GXYLT2: variants seen among roughly 807,000 people sequenced by gnomAD.
GXYLT2 encodes glucoside xylosyltransferase 2, also known as glycosyltransferase 8 domain containing 4.
GXYLT2 carries 53 observed loss-of-function variants against 45.8 expected under a neutral mutation model. The observed-to-expected ratio is 1.16, with a 90% CI of 0.93 to 1.46. The LOEUF is 1.46. GXYLT2 is among the 40% of genes most tolerant of loss of function. The pLI is 0.00. For synonymous variants in GXYLT2, 219 were observed against 214.2 expected (o/e 1.02, Z -0.19); for missense variants, 551 against 544.4 (o/e 1.01, Z -0.12).
At chr3:72,925,835 T>C (rs1709908299) in intron 3 of GXYLT2, among the ~76,000 whole-genome samples, 1 of 152,162 alleles carries the variant, frequency 6.6e-6, no homozygotes, top group South Asian at 2.1e-4. Flanking sequence ...GAATGACAAA[T>C]GGGTGCTGGC....
intron 1 of GXYLT2, among the ~76,000 whole-genome samples, chr3:72,899,132 G>T (rs898329708): frequency 1.3e-5 from 2 of 152,244 alleles, no homozygotes; most frequent in Non-Finnish European, 2.9e-5. Context: ...TTGAATCCTT[G>T]CTGTGACACT....
chr3:72,896,900 A>G (rs938507693), intron 1 of GXYLT2, among the ~76,000 whole-genome samples: 4 of 152,118 alleles, frequency 2.6e-5, no homozygotes, highest in African/African-American at 9.7e-5. Flanking sequence ...GTTTTGTAGT[A>G]AGGTAGAATG....
In GXYLT2 at chr3:72,922,226, A is replaced by G. The variant is rs930567413; in HGVS notation, c.491A>G (p.Tyr164Cys). 2 of 1,613,696 alleles carry G rather than the reference A, an allele frequency of 1.2e-6. No individual in the cohort carries two copies. Among genetic ancestry groups the G allele is most frequent in the Non-Finnish European group, 1.7e-6 (2 of 1,179,724 alleles). The change falls in exon 3 of 7, where the codon TAT (tyrosine) becomes TGT (cysteine). Residue 164 changes from tyrosine to cysteine, a missense_variant. Tyr to Cys is a radical substitution (Grantham distance 194). Coordinates refer to ENST00000389617, the MANE Select transcript of GXYLT2 (RefSeq NM_001080393.2). ...CAGTTACGCCAGTGGCCTGACTCAT[A>G]TACAAAGAAGTTTGAGCACAGAATC... ...DKQLRQWPDS[Y>C]TKKFEHRIYP...
In GXYLT2 at chr3:72,975,381, A is replaced by G. The variant is rs1711078808; in HGVS notation, c.*222A>G. The G allele has an allele frequency of 2.5e-6, 1 of 393,836 alleles. No homozygotes were observed. The highest frequency in any genetic ancestry group is 4.5e-6 in the Non-Finnish European group (1 of 222,614). The allele number at this position is 393,836 out of a possible 1,614,324, so 24.4% of individuals were successfully genotyped here. ...ATTTATCTCTAAGGAAAAAAAAAAA[A>G]GACTATTACTCATTTAACATTGTTT... is the stretch of plus-strand genomic sequence containing the variant. On this transcript the variant is annotated 3_prime_UTR_variant, in exon 7 of 7. Coordinates refer to ENST00000389617, the MANE Select transcript of GXYLT2 (RefSeq NM_001080393.2).
intron 3 of GXYLT2, among the ~76,000 whole-genome samples, chr3:72,946,276 GAAAAAAAAAAAAAAA>G (rs57450041): frequency 3.4e-5 from 2 of 59,446 alleles, no homozygotes; most frequent in Non-Finnish European, 7.3e-5. Flanking sequence ...GACCCTGTCT[GAAAAAAAAAAAAAAA>G]AAAAAAAAAA....
intron 3 of GXYLT2, among the ~76,000 whole-genome samples, chr3:72,934,186 G>A (rs1391982824): frequency 6.7e-6 from 1 of 150,368 alleles, no homozygotes; most frequent in African/African-American, 2.5e-5. Context: ...CTGGGTTCAA[G>A]TGATCCTTCC....
At chr3:72,913,934 C>T (rs1709682342) in intron 2 of GXYLT2, among the ~76,000 whole-genome samples, 1 of 152,030 alleles carries the variant, frequency 6.6e-6, no homozygotes, top group Non-Finnish European at 1.5e-5. Context: ...CACAAAGATT[C>T]TCTGGAACAT....
chr3:72,905,640 T>A (rs1490797401), intron 1 of GXYLT2, among the ~76,000 whole-genome samples: 1 of 152,218 alleles, frequency 6.6e-6, no homozygotes, highest in African/African-American at 2.4e-5. Flanking sequence ...AGGTTATATA[T>A]GCAGGAGTTG....
intron 3 of GXYLT2, among the ~76,000 whole-genome samples, chr3:72,951,612 G>A (rs982454274): frequency 2.0e-5 from 3 of 152,086 alleles, no homozygotes; most frequent in Admixed American, 6.6e-5. Flanking sequence ...CCAGACTCAC[G>A]ATTCTTAAGT....
At chr3:72,920,279 C>A (rs564267738) in intron 2 of GXYLT2, among the ~76,000 whole-genome samples, 1 of 152,004 alleles carries the variant, frequency 6.6e-6, no homozygotes, top group African/African-American at 2.4e-5. Context: ...GGACTACAGG[C>A]GTGCCTCACC....
chr3:72,960,081 G>A (rs1710740525), intron 5 of GXYLT2, among the ~76,000 whole-genome samples: 1 of 152,196 alleles, frequency 6.6e-6, no homozygotes, highest in African/African-American at 2.4e-5. Context: ...GAGCAGCTGG[G>A]ATTACAGGCA....
chr3:72,920,801 T>TAC lies in GXYLT2; in HGVS notation c.469-1402_469-1401insCA, dbSNP rs1366030686. 2.7e-5 allele frequency among the ~76,000 whole-genome samples: 4 copies of TAC among 145,584 alleles called. No individual in the cohort carries two copies. In the East Asian group the frequency reaches 7.9e-4, roughly 29 times the overall value. ...TCTTTACATATAAAATGTACATGCA[T>TAC]ATATATATATATATGTATTTTTTTT... On this transcript the variant is annotated intron_variant, in intron 2 of 6. Transcript: ENST00000389617.
intron 2 of GXYLT2, among the ~76,000 whole-genome samples, chr3:72,911,335 C>T (rs1325189217): frequency 1.3e-5 from 2 of 152,018 alleles, no homozygotes; most frequent in Non-Finnish European, 2.9e-5. Flanking sequence ...ATACGTGCAA[C>T]CATATCTGTT....
chr3:72,895,879 C>T (rs1281684337), intron 1 of GXYLT2, among the ~76,000 whole-genome samples: 1 of 152,196 alleles, frequency 6.6e-6, no homozygotes, highest in Non-Finnish European at 1.5e-5. Context: ...CTTTTAGCAA[C>T]ATGAGAGACT....
chr3:72,957,794 A>T (rs1042475419), intron 5 of GXYLT2, among the ~76,000 whole-genome samples: 1 of 152,092 alleles, frequency 6.6e-6, no homozygotes, highest in South Asian at 2.1e-4. Context: ...AAGAACTCAG[A>T]TCCCCAAATC....
intron 3 of GXYLT2, among the ~76,000 whole-genome samples, chr3:72,923,407 C>T (rs766021413): frequency 1.3e-5 from 2 of 151,708 alleles, no homozygotes; most frequent in African/African-American, 2.4e-5. Context: ...AGACTGAGAC[C>T]GTGTCTCAAA....
At chr3:72,934,080 CTTTT>C (rs375690427) in intron 3 of GXYLT2, among the ~76,000 whole-genome samples, 31 of 121,026 alleles carry the variant, frequency 2.6e-4, no homozygotes, top group Admixed American at 4.4e-4. Flanking sequence ...TAATTTTATT[CTTTT>C]TTTTTTTTTT....
chr3:72,943,810 G>A (rs1710346330), intron 3 of GXYLT2, among the ~76,000 whole-genome samples: 1 of 151,886 alleles, frequency 6.6e-6, no homozygotes. Context: ...TTCCCGAGCT[G>A]AAACTAGTGT....
intron 2 of GXYLT2, among the ~76,000 whole-genome samples, chr3:72,921,508 A>G (rs1709833098): frequency 6.6e-6 from 1 of 152,030 alleles, no homozygotes; most frequent in East Asian, 1.9e-4. Flanking sequence ...TCTCACTGCA[A>G]CCTCCGCCTC....
Sources: allele counts gnomAD v4.1 joint callset (sites outside exome capture counted in the v4.1 genomes callset), GRCh38; gene constraint gnomAD v4.1.1; transcripts MANE v1.5; gene names NCBI Gene and HGNC (gene_info 2026-07-23, HGNC 2026-07-21).